Variants in SLC2A9 observed in about 807,000 individuals in gnomAD.
SLC2A9 encodes the protein solute carrier family 2 member 9.
Under a neutral mutation model 50.6 loss-of-function variants are expected in SLC2A9, and 39 were observed. The observed-to-expected ratio is 0.77, with a 90% CI of 0.60 to 1.01. The LOEUF is 1.01. SLC2A9 is among the 50% of genes least tolerant of loss of function. The probability of loss-of-function intolerance (pLI) is 0.00; values close to 1 mark genes in which losing one functional copy is unlikely to be tolerated. For missense variants in SLC2A9, 686 were observed against 677.6 expected (o/e 1.01, Z -0.14); for synonymous variants, 324 against 276.9 (o/e 1.17, Z -1.69).
intron 5 of SLC2A9, among the ~76,000 whole-genome samples, chr4:9,954,037 G>C (rs774041191): frequency 6.6e-6 from 1 of 152,052 alleles, no homozygotes; most frequent in Non-Finnish European, 1.5e-5. Context: ...TCTGACTCCC[G>C]ACCTCAGGTG....
At chr4:10,021,029 C>T (rs1763446613) in intron 1 of SLC2A9, among the ~76,000 whole-genome samples, 2 of 152,242 alleles carry the variant, frequency 1.3e-5, no homozygotes, top group South Asian at 4.1e-4. Flanking sequence ...AGCCTGCCAC[C>T]ATAGCCTCAT....
intron 3 of SLC2A9, among the ~76,000 whole-genome samples, chr4:9,803,770 T>C (rs545045138): frequency 6.6e-6 from 1 of 152,368 alleles, no homozygotes; most frequent in African/African-American, 2.4e-5. Flanking sequence ...TATGGTGTCC[T>C]CAGTGCCTAG....
chr4:9,802,216 A>T (rs1487893659), intron 3 of SLC2A9, among the ~76,000 whole-genome samples: 1 of 152,072 alleles, frequency 6.6e-6, no homozygotes, highest in Non-Finnish European at 1.5e-5. Flanking sequence ...TTGATTAGAG[A>T]CAGGGCATTT....
downstream of SLC2A9, among the ~76,000 whole-genome samples, chr4:9,823,639 T>A (rs1724707093): frequency 6.6e-6 from 1 of 152,168 alleles, no homozygotes; most frequent in Non-Finnish European, 1.5e-5. Flanking sequence ...AGTAATACAA[T>A]ATTAAGGACA....
intron 3 of SLC2A9, among the ~76,000 whole-genome samples, chr4:9,785,164 C>A (rs1393750254): frequency 2.0e-5 from 3 of 152,206 alleles, no homozygotes; most frequent in Non-Finnish European, 4.4e-5. Flanking sequence ...GAGATCGTCG[C>A]ATGACCTTGA....
upstream of SLC2A9, among the ~76,000 whole-genome samples, chr4:10,022,188 C>T (rs1189439940): frequency 6.6e-6 from 1 of 152,206 alleles, no homozygotes; most frequent in Non-Finnish European, 1.5e-5. Flanking sequence ...ACTTTATTCT[C>T]TGAGCTGCAA....
intron 10 of SLC2A9, among the ~76,000 whole-genome samples, chr4:9,845,830 C>T (rs1230611945): frequency 2.0e-5 from 3 of 152,142 alleles, no homozygotes; most frequent in African/African-American, 4.8e-5. Context: ...ATAAATTTTC[C>T]GTTAAGCACC....
chr4:10,005,303 G>A (rs1344100074), intron 2 of SLC2A9, among the ~76,000 whole-genome samples: 1 of 152,214 alleles, frequency 6.6e-6, no homozygotes, highest in Non-Finnish European at 1.5e-5. Flanking sequence ...GCAGAAACCG[G>A]AGACCACAGG....
chr4:9,905,163 T>A (rs922073489), intron 8 of SLC2A9, among the ~76,000 whole-genome samples: 1 of 152,256 alleles, frequency 6.6e-6, no homozygotes, highest in Non-Finnish European at 1.5e-5. Flanking sequence ...GTGGAATGGA[T>A]GAATGCATGC....
chr4:9,935,111 T>G (rs1488726385), intron 6 of SLC2A9, among the ~76,000 whole-genome samples: 1 of 152,258 alleles, frequency 6.6e-6, no homozygotes, highest in Non-Finnish European at 1.5e-5. Flanking sequence ...AGTGCTGCAA[T>G]AAACATATAT....
intron 3 of SLC2A9, among the ~76,000 whole-genome samples, chr4:9,811,338 G>T (rs1015581404): frequency 2.0e-5 from 3 of 152,228 alleles, no homozygotes; most frequent in Non-Finnish European, 4.4e-5. Context: ...CTGGTCCCAT[G>T]ACTTGGTTTG....
At chr4:9,938,934 G>C (rs1388743694) in intron 6 of SLC2A9, among the ~76,000 whole-genome samples, 1 of 152,144 alleles carries the variant, frequency 6.6e-6, no homozygotes, top group African/African-American at 2.4e-5. Flanking sequence ...GTGGGGATAG[G>C]AACATCCCGA....
At chr4:9,867,558 C>T (rs145891433) in intron 10 of SLC2A9, among the ~76,000 whole-genome samples, 72 of 152,228 alleles carry the variant, frequency 4.7e-4, no homozygotes, top group African/African-American at 1.4e-3. Context: ...GAAGAGAAAG[C>T]GGAGAAGCAG....
chr4:9,902,034 C>T (rs1376327511), intron 8 of SLC2A9, among the ~76,000 whole-genome samples: 1 of 152,200 alleles, frequency 6.6e-6, no homozygotes, highest in Non-Finnish European at 1.5e-5. Context: ...TGCCTTCGAG[C>T]TGCTCAGGTT....
At chr4:10,010,181 C>T (rs977972168) in intron 2 of SLC2A9, among the ~76,000 whole-genome samples, 2 of 152,174 alleles carry the variant, frequency 1.3e-5, no homozygotes, top group African/African-American at 2.4e-5. Flanking sequence ...TGATCAATCA[C>T]ATCTACATGA....
At chr4:9,825,091 C>A (rs1394000021), downstream of SLC2A9, among the ~76,000 whole-genome samples, 2 of 152,190 alleles carry the variant, frequency 1.3e-5, no homozygotes, top group South Asian at 4.1e-4. Flanking sequence ...TAAGTCAAGT[C>A]CTCTCTGGCC....
intron 3 of SLC2A9, among the ~76,000 whole-genome samples, chr4:9,815,581 A>T (rs1723463878): frequency 6.6e-6 from 1 of 152,210 alleles, no homozygotes. Context: ...TGGATTAAGG[A>T]GGGTGGCCGG....
At chr4:9,953,670 TGGAGTACA>T in intron 5 of SLC2A9, among the ~76,000 whole-genome samples, 1 of 152,234 alleles carries the variant, frequency 6.6e-6, no homozygotes, top group Non-Finnish European at 1.5e-5. Flanking sequence ...TTACCCAGGC[TGGAGTACA>T]GGGGTGCAAT....
At chr4:9,795,554 C>A (rs10012516), downstream of SLC2A9, among the ~76,000 whole-genome samples, 79,442 of 151,984 alleles carry the variant, frequency 0.52, 22,151 homozygotes, top group Non-Finnish European at 0.64. Flanking sequence ...ATTTTGCTTC[C>A]TTTGAATTCT....
Sources: allele counts gnomAD v4.1 joint callset (sites outside exome capture counted in the v4.1 genomes callset), GRCh38; gene constraint gnomAD v4.1.1; transcripts MANE v1.5; gene names NCBI Gene and HGNC (gene_info 2026-07-23, HGNC 2026-07-21).